KCNJ6: variants seen among roughly 807,000 people sequenced by gnomAD.
KCNJ6 encodes the protein G protein-activated inward rectifier potassium channel 2.
In KCNJ6, 9 loss-of-function variants were observed where a neutral mutation model predicts 34.2. The observed-to-expected ratio is 0.26, with a 90% CI of 0.16 to 0.46. KCNJ6 has a LOEUF of 0.46. KCNJ6 is among the 20% of genes least tolerant of loss of function. KCNJ6 has a pLI of 1.00. For missense variants in KCNJ6, 236 were observed against 531.3 expected, an observed-to-expected ratio of 0.44 and a Z score of 5.46; for synonymous variants, 196 against 207.1, an observed-to-expected ratio of 0.95 and a Z score of 0.46.
At chr21:37,659,492 GAGA>G (rs991378339) in intron 3 of KCNJ6, among the ~76,000 whole-genome samples, 3 of 152,232 alleles carry the variant, frequency 2.0e-5, no homozygotes, top group Non-Finnish European at 4.4e-5. Flanking sequence ...AGATGTGACA[GAGA>G]AGAAGATGAG....
At chr21:37,731,399 G>A (rs897339325) in intron 2 of KCNJ6, among the ~76,000 whole-genome samples, 1 of 152,170 alleles carries the variant, frequency 6.6e-6, no homozygotes, top group Non-Finnish European at 1.5e-5. Context: ...AGATCCTGGT[G>A]TCTTACAAAA....
chr21:37,657,897 T>G (rs1456204159), intron 3 of KCNJ6, among the ~76,000 whole-genome samples: 2 of 152,220 alleles, frequency 1.3e-5, no homozygotes, highest in Non-Finnish European at 2.9e-5. Context: ...GTCTTTCCAG[T>G]GATGGTTCTG....
chr21:37,861,540 G>T (rs1001072852), intron 1 of KCNJ6, among the ~76,000 whole-genome samples: 1 of 152,156 alleles, frequency 6.6e-6, no homozygotes, highest in Non-Finnish European at 1.5e-5. Flanking sequence ...AATTTTGAGG[G>T]CATGCAATTT....
intron 2 of KCNJ6, among the ~76,000 whole-genome samples, chr21:37,720,996 C>T (rs1006356273): frequency 4.6e-5 from 7 of 152,012 alleles, no homozygotes; most frequent in East Asian, 3.9e-4. Flanking sequence ...CGTGAGCCAC[C>T]GCGCCCGGCC....
chr21:37,836,839 G>A (rs1170367366), intron 2 of KCNJ6, among the ~76,000 whole-genome samples: 1 of 152,062 alleles, frequency 6.6e-6, no homozygotes, highest in Admixed American at 6.6e-5. Flanking sequence ...GTATACCTCT[G>A]TAACAAATCT....
intron 1 of KCNJ6, among the ~76,000 whole-genome samples, chr21:37,872,944 C>T (rs749211264): frequency 1.3e-4 from 20 of 152,258 alleles, no homozygotes; most frequent in Non-Finnish European, 2.8e-4. Flanking sequence ...TGAAGAGGTG[C>T]CTTCCACCAT....
intron 2 of KCNJ6, among the ~76,000 whole-genome samples, chr21:37,781,576 A>G (rs1418111649): frequency 1.3e-5 from 2 of 152,196 alleles, no homozygotes; most frequent in African/African-American, 4.8e-5. Flanking sequence ...TGATAGCAAC[A>G]TGCCTCTAAA....
At chr21:37,632,882 C>G (rs1035607107) in intron 3 of KCNJ6, among the ~76,000 whole-genome samples, 1 of 152,186 alleles carries the variant, frequency 6.6e-6, no homozygotes, top group African/African-American at 2.4e-5. Flanking sequence ...AAAGCCCAGA[C>G]AATCTTAAAG....
At chr21:37,841,774 A>G (rs2055482186) in intron 1 of KCNJ6, among the ~76,000 whole-genome samples, 1 of 152,228 alleles carries the variant, frequency 6.6e-6, no homozygotes, top group Non-Finnish European at 1.5e-5. Flanking sequence ...ACTGCATAGT[A>G]TTCATCATGG....
chr21:37,841,426 T>C (rs190974613), intron 1 of KCNJ6, among the ~76,000 whole-genome samples: 1 of 152,376 alleles, frequency 6.6e-6, no homozygotes, highest in Admixed American at 6.5e-5. Context: ...TCCTAACATA[T>C]GTAGTAACTG....
intron 1 of KCNJ6, among the ~76,000 whole-genome samples, chr21:37,857,062 T>C (rs868491671): frequency 6.6e-6 from 1 of 152,334 alleles, no homozygotes; most frequent in Non-Finnish European, 1.5e-5. Context: ...GTAAATAATA[T>C]GCATTTCTTT....
intron 2 of KCNJ6, among the ~76,000 whole-genome samples, chr21:37,834,942 G>A (rs995989720): frequency 3.3e-5 from 5 of 152,204 alleles, no homozygotes; most frequent in Admixed American, 3.3e-4. Flanking sequence ...TGGAAATGAT[G>A]AGTACCTCTT....
rs943849215 is a variant in KCNJ6, at chr21:37,618,788, T to A, written c.*6371A>T. 2 of 152,228 alleles carry A rather than the reference T, an allele frequency of 1.3e-5. No homozygotes were observed. The highest frequency in any genetic ancestry group is 2.9e-5 in the Non-Finnish European group (2 of 68,032). The allele number at this position is 152,228 out of a possible 1,614,324, so 9.4% of individuals were successfully genotyped here. A position where few individuals can be genotyped will look rare whatever the true frequency, so the allele number is the denominator to read the frequency against. On this transcript the variant is annotated 3_prime_UTR_variant, in exon 4 of 4. Coordinates refer to ENST00000609713, the MANE Select transcript of KCNJ6 (RefSeq NM_002240.5). Reference sequence around the variant, plus strand: ...CACTTAATCATGTTGACCACCCCAGTGAAATATTTTTGTGTGCCTTTAAAG... The same window carrying A: ...CACTTAATCATGTTGACCACCCCAGAGAAATATTTTTGTGTGCCTTTAAAG...
At chr21:37,768,201 T>A (rs889028192) in intron 2 of KCNJ6, among the ~76,000 whole-genome samples, 4 of 152,082 alleles carry the variant, frequency 2.6e-5, no homozygotes, top group Non-Finnish European at 4.4e-5. Flanking sequence ...CAGAGTTGAT[T>A]CCCTGAGGCC....
intron 1 of KCNJ6, among the ~76,000 whole-genome samples, chr21:37,886,822 G>C (rs1347181999): frequency 6.6e-6 from 1 of 151,998 alleles, no homozygotes; most frequent in Admixed American, 6.6e-5. Flanking sequence ...TGACTTTCAG[G>C]TATCTTTTCC....
intron 2 of KCNJ6, among the ~76,000 whole-genome samples, chr21:37,819,580 A>G (rs2055364120): frequency 1.3e-5 from 2 of 152,206 alleles, no homozygotes; most frequent in African/African-American, 4.8e-5. Context: ...TGACAGGTAC[A>G]GCTATAACCA....
chr21:37,782,209 C>T (rs893356021), intron 2 of KCNJ6, among the ~76,000 whole-genome samples: 2 of 152,068 alleles, frequency 1.3e-5, no homozygotes, highest in African/African-American at 4.8e-5. Flanking sequence ...CCTCTAGAAG[C>T]TGGAAAAGGC....
At chr21:37,701,841 A>G (rs2054692734) in intron 3 of KCNJ6, among the ~76,000 whole-genome samples, 1 of 152,166 alleles carries the variant, frequency 6.6e-6, no homozygotes, top group African/African-American at 2.4e-5. Context: ...GAGCCAGGCC[A>G]GGGGGATCTT....
At chr21:37,653,069 T>G (rs2054441134) in intron 3 of KCNJ6, among the ~76,000 whole-genome samples, 1 of 152,250 alleles carries the variant, frequency 6.6e-6, no homozygotes, top group South Asian at 2.1e-4. Flanking sequence ...TGTGTGGGAT[T>G]ATTTAGCAGA....
Sources: gnomAD v4.1 joint callset for allele counts (sites outside exome capture counted in the v4.1 genomes callset) on GRCh38, gnomAD v4.1.1 for gene constraint, MANE v1.5 for transcripts, NCBI Gene and HGNC (gene_info 2026-07-23, HGNC 2026-07-21) for gene names.